The following COLEC10 variants were observed in gnomAD, a reference collection of about 807,000 sequenced individuals.
COLEC10 encodes collectin subfamily member 10, also known as collectin-10.
Under a neutral mutation model 28.4 loss-of-function variants are expected in COLEC10, and 22 were observed. The observed-to-expected ratio is 0.78, with a 90% CI of 0.55 to 1.11. COLEC10 has a LOEUF of 1.11. Ranked by LOEUF, COLEC10 falls within the 50% of genes least tolerant of loss-of-function variation. The pLI is 0.00. For missense variants in COLEC10, 361 were observed against 344.1 expected, an observed-to-expected ratio of 1.05 and a Z score of -0.39; for synonymous variants, 125 against 116.1, an observed-to-expected ratio of 1.08 and a Z score of -0.49.
At chr8:119,015,286 C>T (rs1286173420) in intron 2 of COLEC10, among the ~76,000 whole-genome samples, 1 of 150,554 alleles carries the variant, frequency 6.6e-6, no homozygotes, top group Non-Finnish European at 1.5e-5. Flanking sequence ...GACTGAATTT[C>T]ATATATGTTT....
the COLEC10 span, among the ~76,000 whole-genome samples, chr8:118,977,352 A>G: frequency 6.7e-6 from 1 of 149,008 alleles, no homozygotes; most frequent in Admixed American, 6.7e-5. Flanking sequence ...AACCAACCCA[A>G]ATGTCCAACA....
the COLEC10 span, among the ~76,000 whole-genome samples, chr8:118,975,960 G>A: frequency 3.9e-5 from 6 of 151,938 alleles, no homozygotes; most frequent in African/African-American, 1.4e-4. Context: ...CTAAGAATTG[G>A]GAAACTGATT....
upstream of COLEC10, among the ~76,000 whole-genome samples, chr8:118,991,561 G>A (rs1385742671): frequency 6.6e-6 from 1 of 152,154 alleles, no homozygotes; most frequent in Non-Finnish European, 1.5e-5. Context: ...AACCAGTGGA[G>A]TCTGGCTCCG....
intron 2 of COLEC10, among the ~76,000 whole-genome samples, chr8:119,023,066 T>C (rs1024266824): frequency 1.3e-5 from 2 of 152,130 alleles, no homozygotes; most frequent in Non-Finnish European, 2.9e-5. Context: ...TTTATATCTC[T>C]CTTGCTTCAA....
chr8:118,986,391 G>A, the COLEC10 span, among the ~76,000 whole-genome samples: 2 of 152,008 alleles, frequency 1.3e-5, no homozygotes, highest in African/African-American at 4.8e-5. Flanking sequence ...TCTGTACTCA[G>A]GAAAAGAGAA....
At chr8:119,069,455 A>T (rs2130223873) in intron 1 of COLEC10, among the ~76,000 whole-genome samples, 1 of 150,684 alleles carries the variant, frequency 6.6e-6, no homozygotes, top group African/African-American at 2.4e-5. Context: ...AATTTTTTAA[A>T]AATTAGCCAG....
chr8:118,975,133 G>A, the COLEC10 span, among the ~76,000 whole-genome samples: 1 of 152,086 alleles, frequency 6.6e-6, no homozygotes, highest in African/African-American at 2.4e-5. Context: ...AGTAATAAAA[G>A]CTGAGGAGAA....
At chr8:118,997,477 G>A (rs532587167) in intron 1 of COLEC10, among the ~76,000 whole-genome samples, 99 of 152,192 alleles carry the variant, frequency 6.5e-4, no homozygotes, top group African/African-American at 2.3e-3. Flanking sequence ...TTTGAGTTTA[G>A]TTTTGTTCAC....
At chr8:119,094,349 C>A (rs1815669348) in intron 3 of COLEC10, among the ~76,000 whole-genome samples, 1 of 152,058 alleles carries the variant, frequency 6.6e-6, no homozygotes, top group Non-Finnish European at 1.5e-5. Context: ...CATATAACAC[C>A]AATAACAAGT....
intron 2 of COLEC10, among the ~76,000 whole-genome samples, chr8:119,054,540 CA>C (rs1229008174): frequency 6.6e-6 from 1 of 151,946 alleles, no homozygotes; most frequent in African/African-American, 2.4e-5. Context: ...GAACGGAACA[CA>C]AAACCAATTT....
upstream of COLEC10, among the ~76,000 whole-genome samples, chr8:118,994,088 G>T (rs1255533408): frequency 2.6e-5 from 4 of 152,142 alleles, no homozygotes; most frequent in African/African-American, 9.7e-5. Flanking sequence ...GGTTTTAGGG[G>T]TACCTTGATT....
chr8:119,092,003 T>G (rs1815614145), intron 3 of COLEC10, among the ~76,000 whole-genome samples: 1 of 152,036 alleles, frequency 6.6e-6, no homozygotes, highest in Non-Finnish European at 1.5e-5. Flanking sequence ...GCCTATGATC[T>G]ATTAACAGGA....
intron 1 of COLEC10, among the ~76,000 whole-genome samples, chr8:119,077,294 C>T (rs1815262903): frequency 8.5e-6 from 1 of 117,688 alleles, no homozygotes; most frequent in Non-Finnish European, 1.7e-5. Context: ...GGAGACAATA[C>T]CATGTTGGTA....
intron 3 of COLEC10, among the ~76,000 whole-genome samples, 197 bp from the exon 4 acceptor site, chr8:119,102,151 G>C (rs1481067311): frequency 6.6e-6 from 1 of 151,976 alleles, no homozygotes; most frequent in Non-Finnish European, 1.5e-5. Flanking sequence ...AGAGATACTA[G>C]CTGTAGATAT....
At chr8:118,962,010 C>T in the COLEC10 span, among the ~76,000 whole-genome samples, 1 of 152,108 alleles carries the variant, frequency 6.6e-6, no homozygotes, top group South Asian at 2.1e-4. Context: ...CCAATCACCC[C>T]CCTGTTGTTT....
At chr8:119,100,074 A>G (rs1253151961) in intron 3 of COLEC10, among the ~76,000 whole-genome samples, 1 of 152,188 alleles carries the variant, frequency 6.6e-6, no homozygotes, top group Non-Finnish European at 1.5e-5. Context: ...TAATCATACA[A>G]TCTTTTAAGT....
chr8:118,992,171 G>A (rs762065613), upstream of COLEC10, among the ~76,000 whole-genome samples: 10 of 151,980 alleles, frequency 6.6e-5, no homozygotes, highest in Non-Finnish European at 1.0e-4. Flanking sequence ...GGTCTATATC[G>A]GAATCACAGC....
At chr8:119,047,250 T>C (rs941147752) in intron 2 of COLEC10, among the ~76,000 whole-genome samples, 2 of 152,206 alleles carry the variant, frequency 1.3e-5, no homozygotes, top group African/African-American at 2.4e-5. Flanking sequence ...TGAGCTTTGG[T>C]GAAACTGGTT....
At chr8:119,016,720 T>TTTTG (rs993379329) in intron 2 of COLEC10, among the ~76,000 whole-genome samples, 1 of 152,036 alleles carries the variant, frequency 6.6e-6, no homozygotes, top group Non-Finnish European at 1.5e-5. Context: ...TGGTTGGTTG[T>TTTTG]TTTGTTTGTT....
Sources: gnomAD v4.1 joint callset for allele counts (sites outside exome capture counted in the v4.1 genomes callset) on GRCh38, gnomAD v4.1.1 for gene constraint, MANE v1.5 for transcripts, NCBI Gene and HGNC (gene_info 2026-07-23, HGNC 2026-07-21) for gene names.